The following GREB1L variants were observed in gnomAD, a reference collection of about 807,000 sequenced individuals.
GREB1L encodes GREB1-like protein.
GREB1L carries 17 observed loss-of-function variants against 200.8 expected under a neutral mutation model. The ratio of observed to expected loss-of-function variants is 0.08; its 90% CI spans 0.06 to 0.13. GREB1L has a LOEUF of 0.13. Ranked by LOEUF, GREB1L falls within the 10% of genes least tolerant of loss-of-function variation. The pLI, the probability that GREB1L is intolerant of heterozygous loss-of-function variation, is 1.00. For synonymous variants in GREB1L, 789 were observed against 893.0 expected, an observed-to-expected ratio of 0.88 and a Z score of 2.08; for missense variants, 1,657 against 2,367.7, an observed-to-expected ratio of 0.70 and a Z score of 6.23.
At chr18:21,510,674 C>A (rs1191127049) in intron 27 of GREB1L, among the ~76,000 whole-genome samples, 1 of 152,188 alleles carries the variant, frequency 6.6e-6, no homozygotes, top group East Asian at 1.9e-4. Flanking sequence ...ATCTCAGACC[C>A]TTATTTCAAC....
At chr18:21,469,282 A>G (rs1473082902) in intron 15 of GREB1L, among the ~76,000 whole-genome samples, 1 of 152,176 alleles carries the variant, frequency 6.6e-6, no homozygotes, top group East Asian at 1.9e-4. Flanking sequence ...GTATGTATTT[A>G]TAAATACAGG....
chr18:21,332,953 T>C (rs532075950), intron 1 of GREB1L, among the ~76,000 whole-genome samples: 1 of 151,980 alleles, frequency 6.6e-6, no homozygotes, highest in Non-Finnish European at 1.5e-5. Context: ...TGATGACATA[T>C]ACCTGTAGTC....
At chr18:21,408,996 A>G (rs117923728) in intron 7 of GREB1L, among the ~76,000 whole-genome samples, 1,562 of 152,272 alleles carry the variant, frequency 0.01, 11 homozygotes, top group Non-Finnish European at 0.017. Flanking sequence ...TAAAACTACC[A>G]TGCAACCCAG....
intron 1 of GREB1L, among the ~76,000 whole-genome samples, chr18:21,350,445 G>A (rs1400749099): frequency 6.6e-6 from 1 of 151,848 alleles, no homozygotes; most frequent in African/African-American, 2.4e-5. Context: ...CACCATGTTG[G>A]CCAGGCGTGT....
chr18:21,269,697 A>G (rs542823710), intron 1 of GREB1L, among the ~76,000 whole-genome samples: 101 of 152,362 alleles, frequency 6.6e-4, no homozygotes, highest in Non-Finnish European at 1.2e-3. Flanking sequence ...AGCATACTGG[A>G]ACAAATTTTT....
intron 2 of GREB1L, among the ~76,000 whole-genome samples, chr18:21,376,426 GAAAAA>G (rs568483529): frequency 1.0e-5 from 1 of 99,518 alleles, no homozygotes; most frequent in Admixed American, 1.0e-4. Context: ...CTATTTTTAA[GAAAAA>G]AAAAAAAAAA....
intron 7 of GREB1L, among the ~76,000 whole-genome samples, chr18:21,411,886 A>G (rs1427592936): frequency 6.6e-6 from 1 of 151,708 alleles, no homozygotes; most frequent in East Asian, 2.0e-4. Context: ...TCTACTAAAA[A>G]TACAAAAAAT....
chr18:21,490,329 C>G lies in GREB1L; in HGVS notation c.3008C>G (p.Thr1003Ser), dbSNP rs907323301. Residue 1003 changes from threonine (T) to serine (S), a missense_variant, in exon 19 of 33, where the codon ACT (threonine) becomes AGT (serine). By Grantham distance (58) the Thr-to-Ser change is moderately conservative (BLOSUM62 1). Around this residue, in one of 9 missense-constraint regions of GREB1L, gnomAD observed 512 missense variants for 668.3 expected, o/e 0.77. Transcript: ENST00000424526. ...GNPATELSVATHFVARLKSWR... is the reference protein window; with the variant it reads ...GNPATELSVASHFVARLKSWR... ...CCGGCCACCGAACTCAGTGTTGCAA[C>G]TCACTTTGTGGCGCGATTAAAGGTT... 5 of 1,551,352 alleles carry G rather than the reference C, an allele frequency of 3.2e-6. No individual in the cohort carries two copies. The African/African-American group carries it at 5.5e-5, about 17-fold the overall frequency.
intron 1 of GREB1L, among the ~76,000 whole-genome samples, chr18:21,360,246 T>C (rs1250280940): frequency 6.6e-6 from 1 of 152,234 alleles, no homozygotes; most frequent in East Asian, 1.9e-4. Flanking sequence ...TGAGACGAAG[T>C]CTCGCTCTGT....
At position 21,468,072 on chromosome 18, in the gene GREB1L, C is replaced by T. The variant is rs146712470; in HGVS notation, c.2183-4959C>T. On this transcript the variant is annotated intron_variant, in intron 15 of 32. Transcript: ENST00000424526. Reference sequence around the variant, plus strand: ...GAAATGAGAGAGAAGTGAAAATATACGTGCATGCAAAAACACAAATGTTCA... The same window carrying T: ...GAAATGAGAGAGAAGTGAAAATATATGTGCATGCAAAAACACAAATGTTCA... Among the ~76,000 whole-genome samples, 6 of 148,934 alleles carry T rather than the reference C, an allele frequency of 4.0e-5. No individual in the cohort carries two copies. In the East Asian group the frequency reaches 9.8e-4, roughly 24 times the overall value.
chr18:21,459,519 CA>C (rs2034941680), intron 15 of GREB1L, among the ~76,000 whole-genome samples: 1 of 151,882 alleles, frequency 6.6e-6, no homozygotes, highest in Admixed American at 6.6e-5. Context: ...CTCCTGACCT[CA>C]AGGGGATCTG....
chr18:21,432,843 A>T (rs1032781258), intron 7 of GREB1L, among the ~76,000 whole-genome samples: 1 of 150,912 alleles, frequency 6.6e-6, no homozygotes, highest in Non-Finnish European at 1.5e-5. Context: ...AGTAGCTGGG[A>T]TTACAGGTGT....
intron 11 of GREB1L, 21 bp downstream of exon 11, chr18:21,444,430 A>C: frequency 6.5e-7 from 1 of 1,535,634 alleles, no homozygotes; most frequent in Non-Finnish European, 8.8e-7. Context: ...TTCCATAATC[A>C]TTTGCTGGTG....
intron 1 of GREB1L, among the ~76,000 whole-genome samples, chr18:21,355,275 C>A (rs1408350804): frequency 6.6e-6 from 1 of 150,820 alleles, no homozygotes; most frequent in East Asian, 2.0e-4. Context: ...CTCACTGTAA[C>A]CTCCACCTCC....
chr18:21,274,572 G>C (rs1262792176), intron 1 of GREB1L, among the ~76,000 whole-genome samples: 2 of 152,058 alleles, frequency 1.3e-5, no homozygotes, highest in African/African-American at 4.8e-5. Context: ...CACCATGCCC[G>C]GCAAATTTAT....
In GREB1L at chr18:21,454,466, C is replaced by T. The variant is rs2034663707; in HGVS notation, c.2085C>T (p.Ser695=). Residue 695 remains serine (S), a synonymous_variant, in exon 15 of 33, where the codon AGC becomes AGT. Transcript: ENST00000424526. ...CTATAGCGGACAGTGGCAGCCAGAG[C>T]CTGGACCTCGGTCACTTCAGCAAAG... The part of the protein sequence containing the change: ...VCAIADSGSQ[S]LDLGHFSKVD... 1 of 1,551,418 alleles carries T rather than the reference C, an allele frequency of 6.4e-7. No individual in the cohort carries two copies. The highest frequency in any genetic ancestry group is 2.0e-5 in the Admixed American group (1 of 50,990).
chr18:21,455,885 T>C (rs1031183812), intron 15 of GREB1L, among the ~76,000 whole-genome samples: 1 of 150,812 alleles, frequency 6.6e-6, no homozygotes, highest in Non-Finnish European at 1.5e-5. Flanking sequence ...GTGCTCCGGA[T>C]TCTGCATTTG....
In GREB1L at chr18:21,360,501, C is replaced by T. The variant is rs1224435312; in HGVS notation, c.-119-5526C>T. 3.9e-5 allele frequency among the ~76,000 whole-genome samples: 6 copies of T among 152,342 alleles called. No homozygotes were observed. The South Asian group carries it at 1.0e-3, about 26-fold the overall frequency. ...TCGGCCTCCCAAAGTGCTGGGATTA[C>T]AGGCACGAGCCACTGCACCCGGTGA... On this transcript the variant is annotated intron_variant, in intron 1 of 32. Transcript: ENST00000424526.
intron 5 of GREB1L, among the ~76,000 whole-genome samples, chr18:21,400,432 T>C (rs2041269593): frequency 6.6e-6 from 1 of 152,156 alleles, no homozygotes. Flanking sequence ...TCAGAAAGTA[T>C]AGCTAGATCT....
Sources: gnomAD v4.1 joint callset for allele counts (sites outside exome capture counted in the v4.1 genomes callset) on GRCh38, gnomAD v4.1.1 for gene constraint, gnomAD v4.1.1 regional missense constraint, MANE v1.5 for transcripts, NCBI Gene and HGNC (gene_info 2026-07-23, HGNC 2026-07-21) for gene names.